Variants in CFAP46 observed in about 807,000 individuals in gnomAD.
CFAP46 encodes cilia- and flagella-associated protein 46.
A neutral mutation model predicts 325.7 loss-of-function variants in CFAP46; 245 were observed. The observed-to-expected ratio is 0.75, with a 90% confidence interval of 0.68 to 0.84. The LOEUF (loss-of-function observed/expected upper bound fraction) is 0.84, where lower values mean the gene tolerates loss of function less well. CFAP46 is among the 40% of genes least tolerant of loss of function. CFAP46 has a pLI of 0.00. For missense variants in CFAP46, 3,346 were observed against 3,543.0 expected (o/e 0.94, Z 1.41); for synonymous variants, 1,523 against 1,495.9 (o/e 1.02, Z -0.42).
chr10:132,864,527 T>C (rs1367330094), intron 35 of CFAP46, among the ~76,000 whole-genome samples: 3 of 113,936 alleles, frequency 2.6e-5, no homozygotes, highest in South Asian at 3.4e-4. Context: ...CCCCCCTGCC[T>C]GAGACCTGCA....
At chr10:132,899,495 G>A in intron 23 of CFAP46, 40 bp downstream of exon 23, 1 of 1,517,560 alleles carries the variant, frequency 6.6e-7, no homozygotes, top group Non-Finnish European at 8.8e-7. Context: ...GCACGGCCGG[G>A]GAGGGACAGA....
At chr10:132,834,159 A>T in intron 48 of CFAP46, 36 bp from the exon 49 acceptor site, 1 of 1,601,092 alleles carries the variant, frequency 6.2e-7, no homozygotes, top group Non-Finnish European at 8.6e-7. Flanking sequence ...TTTAAGAAAC[A>T]GAGATAACAA....
Position 132,919,201 on chromosome 10 carries a change from A to G in CFAP46, c.1858+114T>C. ...ACTGCTACCATTGTGACTTAGCAAT[A>G]CGCTTTCTCATGCGAAGGCCCCATG... On this transcript the variant is annotated intron_variant, in intron 15 of 57. Transcript: ENST00000368586. This position sits in a 1 kb window ranked among gnomAD's most constrained non-coding sequence, Gnocchi z 9.7. The G allele has an allele frequency of 8.9e-7, 1 of 1,126,746 alleles. No homozygotes were observed. 69.8% of individuals were successfully genotyped at this position (1,126,746 alleles called of 1,614,324 possible).
Position 132,877,493 on chromosome 10 carries a change from TC to T in CFAP46, c.4212+387del, listed in dbSNP as rs1848972831. On this transcript the variant is annotated intron_variant, in intron 30 of 57. Coordinates refer to ENST00000368586, the MANE Select transcript of CFAP46 (RefSeq NM_001200049.3). The surrounding 1 kb of genome is among the most constrained non-coding windows in gnomAD (Gnocchi z 5.7). The stretch of plus-strand genomic sequence containing the variant: ...TCTGGGACCCAGGCCCTGGGCTGTG[TC>T]TGCTGCCATGGCCTCTGAGCCTGGC... Among the ~76,000 whole-genome samples the T allele has an allele frequency of 6.6e-6, 1 of 152,150 alleles. No homozygotes were observed. The highest frequency in any genetic ancestry group is 2.1e-4 in the South Asian group (1 of 4,826).
chr10:132,884,231 C>T lies in CFAP46; in HGVS notation c.3627+872G>A, dbSNP rs564821770. Among the ~76,000 whole-genome samples, 5 of 152,144 alleles carry T rather than the reference C, an allele frequency of 3.3e-5. No individual in the cohort carries two copies. Among genetic ancestry groups the T allele is most frequent in the African/African-American group, 1.2e-4 (5 of 41,432 alleles). On this transcript the variant is annotated intron_variant, in intron 27 of 57. Transcript: ENST00000368586. The surrounding 1 kb of genome is among the most constrained non-coding windows in gnomAD (Gnocchi z 5.4). Reference sequence around the variant, plus strand: ...GAGGAACGACGTGGCCTCTGGTTCCCCGGAGCGAGGAGCAGTGGCTCCCTG... The same window carrying T: ...GAGGAACGACGTGGCCTCTGGTTCCTCGGAGCGAGGAGCAGTGGCTCCCTG...
intron 20 of CFAP46, 48 bp downstream of exon 20, chr10:132,909,871 T>C (rs1849514514): frequency 2.2e-6 from 3 of 1,365,278 alleles, no homozygotes; most frequent in Non-Finnish European, 2.8e-6. Flanking sequence ...CAGATCTCTA[T>C]GTCCACAGGG....
Position 132,832,389 on chromosome 10 carries a change from C to CCA in CFAP46, c.7117+968_7117+969insTG, listed in dbSNP as rs1564770681. Among the ~76,000 whole-genome samples the CCA allele has an allele frequency of 6.4e-5, 5 of 78,424 alleles. No homozygotes were observed. 51.4% of individuals were successfully genotyped at this position (78,424 alleles called of 152,430 possible). ...TGCGGAGACCCCTGGGCTCTTCCTG[C>CCA]CCCCCCCCCCCAATGCTGTGGCCTG... On this transcript the variant is annotated intron_variant, in intron 50 of 57. Transcript: ENST00000368586. This position sits in a 1 kb window ranked among gnomAD's most constrained non-coding sequence, Gnocchi z 4.1.
chr10:132,817,985 T>C lies in CFAP46; in HGVS notation c.7118-3071A>G, dbSNP rs888018361. Among the ~76,000 whole-genome samples the C allele has an allele frequency of 3.3e-5, 5 of 152,180 alleles. No individual in the cohort carries two copies. Among genetic ancestry groups the C allele is most frequent in the Non-Finnish European group, 7.3e-5 (5 of 68,028 alleles). ...GCCCCCAGGCTCCTTCTCCTGCTTC[T>C]CTTGTGTGAGGGCTTTCTCATCACC... On this transcript the variant is annotated intron_variant, in intron 50 of 57. Coordinates refer to ENST00000368586, the MANE Select transcript of CFAP46 (RefSeq NM_001200049.3). This position sits in a 1 kb window ranked among gnomAD's most constrained non-coding sequence, Gnocchi z 4.4.
intron 56 of CFAP46, 76 bp downstream of exon 56, chr10:132,810,873 CT>C: frequency 7.3e-7 from 1 of 1,374,552 alleles, no homozygotes; most frequent in Non-Finnish European, 1.0e-6. Context: ...TCCCTCCTCC[CT>C]TGTGGGTCCC....
In CFAP46 at chr10:132,866,014, G is replaced by A; in HGVS notation, c.4890+11C>T. ...GCTGTGGATGGTGATGGGCTGGGAG[G>A]GGCTCCTCACCTGGAAAGCCAGGTA... is the stretch of plus-strand genomic sequence containing the variant. On this transcript the variant is annotated intron_variant, in intron 35 of 57. Coordinates refer to ENST00000368586, the MANE Select transcript of CFAP46 (RefSeq NM_001200049.3). 2 of 1,494,216 alleles carry A rather than the reference G, an allele frequency of 1.3e-6. No individual in the cohort carries two copies. The highest frequency in any genetic ancestry group is 2.7e-5 in the South Asian group (2 of 74,822). 92.6% of individuals were successfully genotyped at this position (1,494,216 alleles called of 1,614,324 possible). A position where few individuals can be genotyped will look rare whatever the true frequency, so the allele number is the denominator to read the frequency against.
intron 36 of CFAP46, 109 bp downstream of exon 36, chr10:132,860,673 A>C (rs1282565327): frequency 3.1e-6 from 4 of 1,286,960 alleles, no homozygotes; most frequent in African/African-American, 1.5e-5. Context: ...GGATGGATCC[A>C]GGCGTGTCAT....
chr10:132,849,505 C>T (rs1591051497), intron 41 of CFAP46, among the ~76,000 whole-genome samples: 1 of 152,270 alleles, frequency 6.6e-6, no homozygotes, highest in East Asian at 1.9e-4. Flanking sequence ...AGGTGCCTTC[C>T]GGGGGAGGAG....
chr10:132,836,356 T>A, intron 45 of CFAP46, 138 bp from the exon 46 acceptor site: 1 of 755,222 alleles, frequency 1.3e-6, no homozygotes, highest in Non-Finnish European at 2.2e-6. Flanking sequence ...CCTCCCCGTG[T>A]GCGCCTCCAG....
intron 50 of CFAP46, among the ~76,000 whole-genome samples, chr10:132,816,926 T>C (rs952549966): frequency 6.6e-6 from 1 of 152,182 alleles, no homozygotes; most frequent in African/African-American, 2.4e-5. Flanking sequence ...TGAGGCACAG[T>C]GGGATTTGCT....
At position 132,851,532 on chromosome 10, in the gene CFAP46, G is replaced by A. The variant is rs554076190; in HGVS notation, c.5575-227C>T. ...CCCAAATCTCTTCGCGTCCCCTCATGTTCCCTCCCGGTCACCTAGCTGCCT... is the reference window on the plus strand; with the variant it reads ...CCCAAATCTCTTCGCGTCCCCTCATATTCCCTCCCGGTCACCTAGCTGCCT... On this transcript the variant is annotated intron_variant, in intron 39 of 57. Transcript: ENST00000368586. Among the ~76,000 whole-genome samples, 503 of 152,300 alleles carry A rather than the reference G, an allele frequency of 3.3e-3. 6 individuals carry two copies. The highest frequency in any genetic ancestry group is 5.2e-3 in the Admixed American group (80 of 15,294).
Position 132,810,966 on chromosome 10 carries a change from T to C in CFAP46, c.7567A>G (p.Ser2523Gly). The C allele has an allele frequency of 6.2e-7, 1 of 1,605,142 alleles. No individual in the cohort carries two copies. Among genetic ancestry groups the C allele is most frequent in the African/African-American group, 1.3e-5 (1 of 74,896 alleles). ...GCCAGGCACCTCCTGTGCTCCACGC[T>C]CTCCATGTGCCTCTTCAAGCTCTGG... The part of the protein sequence containing the change: ...SYQSLKRHME[S>G]VEHRRSVGRW... The change falls in exon 56 of 58, where the codon AGC becomes GGC. Residue 2523 changes from serine (S) to glycine (G), a missense_variant. Coordinates refer to ENST00000368586, the MANE Select transcript of CFAP46 (RefSeq NM_001200049.3).
rs777845130 is a variant in CFAP46, at chr10:132,887,477, TCTC to T, written c.3305-1521_3305-1519del. Among the ~76,000 whole-genome samples, 43 of 111,680 alleles carry T rather than the reference TCTC, an allele frequency of 3.9e-4. 1 individual carries two copies. Among genetic ancestry groups the T allele is most frequent in the South Asian group, 7.3e-4 (2 of 2,752 alleles). 73.3% of individuals were successfully genotyped at this position (111,680 alleles called of 152,430 possible). A position where few individuals can be genotyped will look rare whatever the true frequency, so the allele number is the denominator to read the frequency against. On this transcript the variant is annotated intron_variant, in intron 25 of 57. Coordinates refer to ENST00000368586, the MANE Select transcript of CFAP46 (RefSeq NM_001200049.3). ...CTCCTCTCCCCTCTTCTCTCTCTCC[TCTC>T]CTCTCTCCCCTCTCGCCTATTTCCT...
intron 39 of CFAP46, among the ~76,000 whole-genome samples, chr10:132,853,337 T>C (rs1268601836): frequency 6.6e-6 from 1 of 152,216 alleles, no homozygotes; most frequent in African/African-American, 2.4e-5. Context: ...TGAAAAAATA[T>C]GGTGAAATTA....
chr10:132,933,194 G>A (rs945664080), intron 8 of CFAP46, among the ~76,000 whole-genome samples: 1 of 152,134 alleles, frequency 6.6e-6, no homozygotes, highest in South Asian at 2.1e-4. Context: ...TCCGCCCCTC[G>A]TCCCTGCCCA....
Sources: gnomAD v4.1 joint callset for allele counts (sites outside exome capture counted in the v4.1 genomes callset) on GRCh38, gnomAD v4.1.1 for gene constraint, Gnocchi (gnomAD v3.1) non-coding constraint, MANE v1.5 for transcripts, NCBI Gene and HGNC (gene_info 2026-07-23, HGNC 2026-07-21) for gene names.